Variants in SLIT3 observed in about 807,000 individuals in gnomAD.
The protein encoded by SLIT3 is slit homolog 3 protein.
SLIT3 carries 68 observed loss-of-function variants against 184.0 expected under a neutral mutation model. That is an observed-to-expected ratio of 0.37 (90% CI 0.30 to 0.45). The LOEUF is 0.45. Among genes scored for constraint, SLIT3 ranks in the 20% least tolerant of loss-of-function variants. The pLI is 1.00. For missense variants in SLIT3, 1,707 were observed against 2,026.0 expected (o/e 0.84, Z 3.02); for synonymous variants, 831 against 828.6 (o/e 1.00, Z -0.05).
intron 4 of SLIT3, among the ~76,000 whole-genome samples, chr5:168,913,871 T>C (rs1761346900): frequency 6.6e-6 from 1 of 152,244 alleles, no homozygotes; most frequent in Admixed American, 6.5e-5. Context: ...TTTTCTTATA[T>C]ATCTTTCTTA....
chr5:169,070,387 T>G (rs892712172), intron 4 of SLIT3, among the ~76,000 whole-genome samples: 1 of 152,168 alleles, frequency 6.6e-6, no homozygotes, highest in Non-Finnish European at 1.5e-5. Context: ...AACTTTTTGA[T>G]GACCACACAC....
At chr5:169,092,641 G>A (rs547428949) in intron 4 of SLIT3, among the ~76,000 whole-genome samples, 2 of 152,154 alleles carry the variant, frequency 1.3e-5, no homozygotes, top group South Asian at 2.1e-4. Flanking sequence ...CTGTCAGCAC[G>A]CATAATTCTT....
chr5:169,041,741 G>T (rs1757455595), intron 4 of SLIT3, among the ~76,000 whole-genome samples: 1 of 152,102 alleles, frequency 6.6e-6, no homozygotes, highest in Non-Finnish European at 1.5e-5. Flanking sequence ...AAGCAATCTG[G>T]GTAGATTAGA....
chr5:168,950,286 G>A (rs1463407462), intron 4 of SLIT3, among the ~76,000 whole-genome samples: 1 of 152,154 alleles, frequency 6.6e-6, no homozygotes, highest in Non-Finnish European at 1.5e-5. Context: ...CAAATCCGCT[G>A]GAGCTTTGAT....
chr5:169,085,656 C>A lies in SLIT3; in HGVS notation c.413+107823G>T, dbSNP rs182240143. 4.8e-3 allele frequency among the ~76,000 whole-genome samples: 737 copies of A among 152,198 alleles called. 6 individuals carry two copies. Among genetic ancestry groups the A allele is most frequent in the African/African-American group, 0.017 (694 of 41,500 alleles). ...AATCAGAACTGTTTGGTGTCAATACCCAAACCCAACACAGCCTGCCCCAGC... is the reference window on the plus strand; with the variant it reads ...AATCAGAACTGTTTGGTGTCAATACACAAACCCAACACAGCCTGCCCCAGC... On this transcript the variant is annotated intron_variant, in intron 4 of 35. Coordinates refer to ENST00000519560, the MANE Select transcript of SLIT3 (RefSeq NM_003062.4).
At chr5:168,681,875 C>T (rs975048401) in intron 32 of SLIT3, among the ~76,000 whole-genome samples, 1 of 152,206 alleles carries the variant, frequency 6.6e-6, no homozygotes, top group Admixed American at 6.5e-5. Flanking sequence ...CTGCCAAGCA[C>T]TTCCTCCAGT....
chr5:169,105,099 C>T (rs1303364580), intron 4 of SLIT3, among the ~76,000 whole-genome samples: 10 of 152,176 alleles, frequency 6.6e-5, no homozygotes, highest in Non-Finnish European at 1.5e-4. Context: ...GATTTGTGGG[C>T]TCTGTGAACG....
chr5:169,051,434 G>A (rs1175415997), intron 4 of SLIT3, among the ~76,000 whole-genome samples: 1 of 151,888 alleles, frequency 6.6e-6, no homozygotes, highest in African/African-American at 2.4e-5. Flanking sequence ...AGTGGGAGAT[G>A]CTGTAGTTGA....
chr5:168,975,376 C>A (rs191644213), intron 4 of SLIT3, among the ~76,000 whole-genome samples: 1 of 152,174 alleles, frequency 6.6e-6, no homozygotes, highest in Non-Finnish European at 1.5e-5. Flanking sequence ...GCCAGTCTCA[C>A]GTATGCTGTC....
At chr5:168,670,676 C>T (rs1297364839) in intron 34 of SLIT3, among the ~76,000 whole-genome samples, 1 of 152,204 alleles carries the variant, frequency 6.6e-6, no homozygotes, top group Non-Finnish European at 1.5e-5. Context: ...GTTTAGCCAA[C>T]CACATTTCCA....
chr5:169,188,979 G>T (rs904867403), intron 4 of SLIT3, among the ~76,000 whole-genome samples: 2 of 152,152 alleles, frequency 1.3e-5, no homozygotes, highest in African/African-American at 2.4e-5. Context: ...CTCCACACTT[G>T]ACCATGATCT....
At chr5:168,957,253 T>TG (rs1458446060) in intron 4 of SLIT3, among the ~76,000 whole-genome samples, 1 of 135,770 alleles carries the variant, frequency 7.4e-6, no homozygotes, top group African/African-American at 2.8e-5. Context: ...AAAATAGAGG[T>TG]GGGGGTCTGG....
intron 4 of SLIT3, among the ~76,000 whole-genome samples, chr5:169,130,112 G>T (rs552571682): frequency 6.6e-6 from 1 of 152,236 alleles, no homozygotes; most frequent in East Asian, 1.9e-4. Context: ...CTCCCCAGGT[G>T]TTGGGATTAC....
In SLIT3 at chr5:168,670,006, G is replaced by C; in HGVS notation, c.4128-15C>G. 1 of 1,612,074 alleles carries C rather than the reference G, an allele frequency of 6.2e-7. No homozygotes were observed. Among genetic ancestry groups the C allele is most frequent in the Non-Finnish European group, 8.5e-7 (1 of 1,178,584 alleles). On this transcript the variant is annotated splice_polypyrimidine_tract_variant and intron_variant, in intron 34 of 35. Transcript: ENST00000519560. The stretch of plus-strand genomic sequence containing the variant: ...CATGGTGGCATCTAGGGGCAGAGAG[G>C]AGGATGAGAAGGGAACTGGATCAGA...
In SLIT3 at chr5:168,925,231, A is replaced by T. The variant is rs565221667; in HGVS notation, c.414-41895T>A. Among the ~76,000 whole-genome samples the T allele has an allele frequency of 3.9e-5, 6 of 152,270 alleles. No individual in the cohort carries two copies. In the South Asian group the frequency reaches 1.2e-3, roughly 32 times the overall value. ...ACAAACTTGTTGAATGGGCTCGGGG[A>T]GCAGGTTCCAGTGAGCACCTCTGGG... On this transcript the variant is annotated intron_variant, in intron 4 of 35. Transcript: ENST00000519560.
chr5:168,712,541 TGGA>T, intron 23 of SLIT3, 187 bp from the exon 24 acceptor site: 1 of 604,090 alleles, frequency 1.7e-6, no homozygotes, highest in Non-Finnish European at 3.0e-6. Flanking sequence ...GCAGCAAGGA[TGGA>T]GGGAGTAGAG....
intron 7 of SLIT3, 115 bp downstream of exon 7, chr5:168,823,145 T>C (rs1757587026): frequency 1.2e-6 from 1 of 862,956 alleles, no homozygotes; most frequent in South Asian, 1.4e-5. Flanking sequence ...GGAATTTGAA[T>C]GTCGGAACCA....
intron 31 of SLIT3, among the ~76,000 whole-genome samples, chr5:168,684,914 C>T (rs1761697421): frequency 6.6e-6 from 1 of 152,070 alleles, no homozygotes; most frequent in Admixed American, 6.6e-5. Flanking sequence ...ACATGAATCT[C>T]TTGCGGGTGG....
chr5:168,704,322 AG>A (rs1762313227), intron 26 of SLIT3, among the ~76,000 whole-genome samples: 1 of 152,132 alleles, frequency 6.6e-6, no homozygotes, highest in African/African-American at 2.4e-5. Context: ...CCCTTTGTGA[AG>A]TATCTACTGA....
Sources: gnomAD v4.1 joint callset for allele counts (sites outside exome capture counted in the v4.1 genomes callset) on GRCh38, gnomAD v4.1.1 for gene constraint, MANE v1.5 for transcripts, NCBI Gene and HGNC (gene_info 2026-07-23, HGNC 2026-07-21) for gene names.